Variants in OVCH1 observed in about 807,000 individuals in gnomAD.
The protein encoded by OVCH1 is ovochymase-1.
Under a neutral mutation model 138.4 loss-of-function variants are expected in OVCH1, and 139 were observed. The observed-to-expected ratio is 1.00, with a 90% CI of 0.87 to 1.16. OVCH1 has a LOEUF of 1.16. Ranked by LOEUF, OVCH1 falls within the 50% of genes most tolerant of loss-of-function variation. The probability of loss-of-function intolerance (pLI) is 0.00; values close to 1 mark genes in which losing one functional copy is unlikely to be tolerated. For synonymous variants in OVCH1, 453 were observed against 467.8 expected, an observed-to-expected ratio of 0.97 and a Z score of 0.41; for missense variants, 1,367 against 1,357.9, an observed-to-expected ratio of 1.01 and a Z score of -0.11.
chr12:29,407,192 G>T, the OVCH1 span, among the ~76,000 whole-genome samples: 19 of 146,814 alleles, frequency 1.3e-4, 1 homozygote, highest in South Asian at 4.5e-4. Flanking sequence ...GTTCATTGTA[G>T]ATTCTGGATA....
At chr12:29,444,005 T>C (rs1565574292) in intron 24 of OVCH1, 140 bp downstream of exon 24, 3 of 869,172 alleles carry the variant, frequency 3.5e-6, no homozygotes, top group South Asian at 2.9e-5. Flanking sequence ...TTAAAAGCCA[T>C]AGATTAGGGG....
chr12:29,476,238 A>G, exon 13 of OVCH1: 1 of 1,613,634 alleles, frequency 6.2e-7, no homozygotes. Flanking sequence ...ATCACCGTAA[A>G]TCACAACAGC....
chr12:29,419,925 A>G (rs1941080346), intron 3 of OVCH1, among the ~76,000 whole-genome samples: 1 of 152,192 alleles, frequency 6.6e-6, no homozygotes, highest in Non-Finnish European at 1.5e-5. Context: ...AGATTTACCT[A>G]TTCAAGAGTA....
At chr12:29,489,562 C>G (rs987949894) in intron 6 of OVCH1, 58 bp downstream of exon 6, 3 of 1,493,110 alleles carry the variant, frequency 2.0e-6, no homozygotes, top group Non-Finnish European at 2.7e-6. Flanking sequence ...TGGGGAAAGG[C>G]AGAATCTACT....
chr12:29,403,215 CT>C, the OVCH1 span, among the ~76,000 whole-genome samples: 101 of 152,230 alleles, frequency 6.6e-4, no homozygotes, highest in Admixed American at 2.7e-3. Flanking sequence ...AATTTTCAAA[CT>C]TTTTAATCTA....
rs767254662 is a variant in OVCH1 at position 29,489,581 on chromosome 12, CAT to C, written c.702+37_702+38del. The C allele has an allele frequency of 1.9e-5, 29 of 1,555,006 alleles. No homozygotes were observed. The East Asian group carries it at 4.6e-4, about 25-fold the overall frequency. ...GAAAGGCAGAATCTACTTTCACCCA[CAT>C]GTTACTGAACAGCTAGGCTGGTTTA... On this transcript the variant is annotated intron_variant, in intron 6 of 27. Coordinates refer to ENST00000318184, the Ensembl canonical transcript of OVCH1.
intron 4 of OVCH1, among the ~76,000 whole-genome samples, chr12:29,491,497 T>C (rs1309013968): frequency 6.6e-6 from 1 of 152,204 alleles, no homozygotes; most frequent in East Asian, 1.9e-4. Flanking sequence ...TTGACAGTTA[T>C]TGAACACAAA....
chr12:29,455,828 TTC>T (rs1491510468), intron 19 of OVCH1, among the ~76,000 whole-genome samples: 4 of 152,144 alleles, frequency 2.6e-5, no homozygotes, highest in African/African-American at 9.7e-5. Flanking sequence ...GCCTGTTTTT[TTC>T]TTTTTTTAAA....
chr12:29,466,971 ATT>A (rs1165424936), intron 16 of OVCH1, among the ~76,000 whole-genome samples: 1 of 152,160 alleles, frequency 6.6e-6, no homozygotes, highest in Non-Finnish European at 1.5e-5. Flanking sequence ...GCATGTAGGC[ATT>A]TTCTCCACAG....
At chr12:29,416,558 T>TA (rs1251932760) in intron 3 of OVCH1, among the ~76,000 whole-genome samples, 1 of 152,312 alleles carries the variant, frequency 6.6e-6, no homozygotes, top group East Asian at 1.9e-4. Context: ...GAAACATTGT[T>TA]AGATACCATT....
intron 4 of OVCH1, among the ~76,000 whole-genome samples, chr12:29,493,109 A>G (rs1300124671): frequency 6.6e-6 from 1 of 152,200 alleles, no homozygotes; most frequent in Non-Finnish European, 1.5e-5. Context: ...AGCTATGAGA[A>G]TTGAGGAAAC....
intron 3 of OVCH1, among the ~76,000 whole-genome samples, chr12:29,414,209 A>G (rs1592020713): frequency 2.6e-5 from 4 of 152,032 alleles, no homozygotes; most frequent in East Asian, 1.9e-4. Flanking sequence ...TATTTTTAGT[A>G]TAGATGGTGT....
At chr12:29,496,405 A>T in intron 2 of OVCH1, 127 bp from the exon 3 acceptor site, 1 of 1,133,848 alleles carries the variant, frequency 8.8e-7, no homozygotes, top group Non-Finnish European at 1.3e-6. Context: ...TAAATTGGAT[A>T]GTAAGATAGT....
intron 13 of OVCH1, 48 bp downstream of exon 13, chr12:29,476,158 C>T: frequency 6.7e-7 from 1 of 1,492,956 alleles, no homozygotes; most frequent in Non-Finnish European, 9.3e-7. Context: ...GTTGCCACTA[C>T]TCTGATTCGT....
chr12:29,445,315 A>T (rs1941582232), exon 23 of OVCH1: 4 of 1,612,104 alleles, frequency 2.5e-6, no homozygotes, highest in Non-Finnish European at 3.4e-6. Context: ...TACCAAATGC[A>T]CCTCGTACAA....
downstream of OVCH1, among the ~76,000 whole-genome samples, chr12:29,426,281 G>A (rs1409500761): frequency 6.6e-6 from 1 of 152,134 alleles, no homozygotes; most frequent in Non-Finnish European, 1.5e-5. Context: ...TAAAAAGTGA[G>A]AAATTTTGCT....
intron 16 of OVCH1, among the ~76,000 whole-genome samples, chr12:29,466,013 C>T (rs983472344): frequency 3.4e-5 from 5 of 147,616 alleles, no homozygotes; most frequent in Non-Finnish European, 7.4e-5. Flanking sequence ...AACCAGACAC[C>T]GCATGTTCTC....
chr12:29,476,449 A>G, intron 12 of OVCH1, 150 bp from the exon 13 acceptor site: 1 of 679,424 alleles, frequency 1.5e-6, no homozygotes, highest in Non-Finnish European at 2.5e-6. Context: ...TTTGAAGGGC[A>G]ATTTGGCAAC....
At chr12:29,470,602 T>G (rs1290799599) in intron 16 of OVCH1, among the ~76,000 whole-genome samples, 1 of 152,222 alleles carries the variant, frequency 6.6e-6, no homozygotes, top group Admixed American at 6.5e-5. Flanking sequence ...CCACATTTTC[T>G]TTAACCAATC....
Sources: allele counts gnomAD v4.1 joint callset (sites outside exome capture counted in the v4.1 genomes callset), GRCh38; gene constraint gnomAD v4.1.1; transcripts MANE v1.5; gene names NCBI Gene and HGNC (gene_info 2026-07-23, HGNC 2026-07-21).